Variants in ZNF354B observed in about 807,000 individuals in gnomAD.
The protein encoded by ZNF354B is zinc finger protein 354B.
In ZNF354B, 10 loss-of-function variants were observed where a neutral mutation model predicts 12.9. The ratio of observed to expected loss-of-function variants is 0.77; its 90% CI spans 0.48 to 1.31. ZNF354B has a LOEUF of 1.31. Ranked by LOEUF, ZNF354B falls within the 40% of genes most tolerant of loss-of-function variation. ZNF354B has a pLI of 0.00. For synonymous variants in ZNF354B, 260 were observed against 243.7 expected, an observed-to-expected ratio of 1.07 and a Z score of -0.62; for missense variants, 614 against 711.7, an observed-to-expected ratio of 0.86 and a Z score of 1.56.
Position 178,883,490 on chromosome 5 carries a change from A to T in ZNF354B, c.1038A>T (p.Lys346Asn). The T allele has an allele frequency of 6.2e-7, 1 of 1,614,150 alleles. No individual in the cohort carries two copies. The highest frequency in any genetic ancestry group is 8.5e-7 in the Non-Finnish European group (1 of 1,179,996). ...GCACTTCCCTTTCTGGAAGTCAGAA[A>T]ATTCATCTCAGAAAGAAGTCCTACT... Reference protein sequence around the residue: ...SYSTSLSGSQKIHLRKKSYLC... With the variant: ...SYSTSLSGSQNIHLRKKSYLC... Residue 346 changes from lysine (K) to asparagine (N), a missense_variant, in exon 5 of 5, where the codon AAA becomes AAT. By Grantham distance (94) the Lys-to-Asn change is moderately conservative. Transcript: ENST00000322434.
rs1207080976 is a variant in ZNF354B at position 178,860,143 on chromosome 5, G to C, written c.-52+16G>C. On this transcript the variant is annotated intron_variant, in intron 1 of 4. Coordinates refer to ENST00000322434, the MANE Select transcript of ZNF354B (RefSeq NM_058230.3). ...TCCTGGGGAGGTGAGCGGCATGGCT[G>C]GCTGTGCCGGGAGGAGGCGGCGCCT... 2 of 152,540 alleles carry C rather than the reference G, an allele frequency of 1.3e-5. No individual in the cohort carries two copies. Among genetic ancestry groups the C allele is most frequent in the Non-Finnish European group, 2.9e-5 (2 of 68,354 alleles). The allele number at this position is 152,540 out of a possible 1,614,324, so 9.4% of individuals were successfully genotyped here.
intron 4 of ZNF354B, among the ~76,000 whole-genome samples, chr5:178,880,715 G>A (rs1000248736): frequency 4.0e-5 from 6 of 151,148 alleles, no homozygotes; most frequent in Non-Finnish European, 8.8e-5. Flanking sequence ...GGCTGATCTC[G>A]AACTCCTAGG....
intron 4 of ZNF354B, among the ~76,000 whole-genome samples, chr5:178,869,238 C>T (rs1301763569): frequency 6.6e-6 from 1 of 152,176 alleles, no homozygotes; most frequent in Admixed American, 6.5e-5. Flanking sequence ...CCCCTTGTGC[C>T]ACGGGCCCAG....
At chr5:178,865,916 A>C (rs1477173394) in intron 2 of ZNF354B, among the ~76,000 whole-genome samples, 1 of 152,104 alleles carries the variant, frequency 6.6e-6, no homozygotes, top group South Asian at 2.1e-4. Context: ...TGTTTCTTAC[A>C]GTAATTGGTG....
rs1469707566 is a variant in ZNF354B at position 178,879,372 on chromosome 5, CAG to C, written c.257-3334_257-3333del. ...TGTGTGCTGATTTCTTTGCAGAAAC[CAG>C]AGTTGTTTTTGTTTTTGTTTTTTGA... On this transcript the variant is annotated intron_variant, in intron 4 of 4. Transcript: ENST00000322434. Among the ~76,000 whole-genome samples, 7 of 148,254 alleles carry C rather than the reference CAG, an allele frequency of 4.7e-5. No homozygotes were observed. In the East Asian group the frequency reaches 1.5e-3, roughly 31 times the overall value.
At chr5:178,874,580 T>C (rs1410916291) in intron 4 of ZNF354B, among the ~76,000 whole-genome samples, 1 of 152,244 alleles carries the variant, frequency 6.6e-6, no homozygotes, top group Non-Finnish European at 1.5e-5. Flanking sequence ...TTTTGAGCTC[T>C]ATTAGATCAG....
chr5:178,866,826 T>C, intron 3 of ZNF354B, 150 bp from the exon 4 acceptor site: 1 of 699,644 alleles, frequency 1.4e-6, no homozygotes, highest in Non-Finnish European at 2.4e-6. Context: ...TGATAGATCA[T>C]TCTATAGATG....
intron 4 of ZNF354B, among the ~76,000 whole-genome samples, chr5:178,872,306 G>A (rs551971432): frequency 5.3e-5 from 8 of 152,002 alleles, no homozygotes; most frequent in African/African-American, 1.9e-4. Context: ...CATCTGTGTA[G>A]TTGTATACAT....
chr5:178,873,680 G>A (rs1757595034), intron 4 of ZNF354B, among the ~76,000 whole-genome samples: 1 of 152,060 alleles, frequency 6.6e-6, no homozygotes, highest in Non-Finnish European at 1.5e-5. Context: ...ATATATACAG[G>A]CTTTAATGTT....
chr5:178,862,231 AC>A (rs2114004588), intron 2 of ZNF354B, among the ~76,000 whole-genome samples: 1 of 152,178 alleles, frequency 6.6e-6, no homozygotes, highest in Admixed American at 6.5e-5. Context: ...AAGTTAAGTA[AC>A]CTGAGTACAG....
Position 178,883,518 on chromosome 5 carries a change from T to G in ZNF354B, c.1066T>G (p.Cys356Gly), listed in dbSNP as rs193201570. Residue 356 changes from cysteine (C) to glycine (G), a missense_variant, in exon 5 of 5, where the codon TGT becomes GGT. By Grantham distance (159) the Cys-to-Gly change is radical. Coordinates refer to ENST00000322434, the MANE Select transcript of ZNF354B (RefSeq NM_058230.3). ...TCATCTCAGAAAGAAGTCCTACTTA[T>G]GTAATGAATGTGGCAACACCTTTAA... is the stretch of plus-strand genomic sequence containing the variant. ...KIHLRKKSYL[C>G]NECGNTFKSS... 2.5e-6 allele frequency: 4 copies of G among 1,614,050 alleles called. No individual in the cohort carries two copies. Among genetic ancestry groups the G allele is most frequent in the Non-Finnish European group, 3.4e-6 (4 of 1,180,014 alleles).
At chr5:178,881,768 C>T (rs536013110) in intron 4 of ZNF354B, among the ~76,000 whole-genome samples, 12 of 152,056 alleles carry the variant, frequency 7.9e-5, no homozygotes, top group Non-Finnish European at 1.3e-4. Context: ...CTCTGCCTCC[C>T]GAGTAGCTAG....
At chr5:178,869,076 A>G (rs983051677) in intron 4 of ZNF354B, among the ~76,000 whole-genome samples, 2 of 152,054 alleles carry the variant, frequency 1.3e-5, no homozygotes, top group African/African-American at 4.8e-5. Flanking sequence ...CTTGTCATAG[A>G]GTTTGGTTGG....
intron 4 of ZNF354B, among the ~76,000 whole-genome samples, chr5:178,877,144 C>T (rs1473902658): frequency 6.6e-6 from 1 of 151,892 alleles, no homozygotes; most frequent in African/African-American, 2.4e-5. Context: ...TTCTAAATTC[C>T]CCATGTGTGC....
intron 1 of ZNF354B, among the ~76,000 whole-genome samples, chr5:178,860,490 A>G (rs1426696535): frequency 2.0e-5 from 3 of 152,092 alleles, no homozygotes; most frequent in African/African-American, 7.2e-5. Context: ...CTGCCTCGGG[A>G]CACCCAGCGC....
intron 4 of ZNF354B, among the ~76,000 whole-genome samples, chr5:178,876,410 C>A (rs1033911503): frequency 3.9e-5 from 6 of 152,346 alleles, no homozygotes; most frequent in African/African-American, 1.4e-4. Context: ...GCAAAAATAG[C>A]AGCCTGCCTC....
intron 2 of ZNF354B, among the ~76,000 whole-genome samples, chr5:178,861,989 T>G (rs571265703): frequency 1.3e-5 from 2 of 152,286 alleles, no homozygotes; most frequent in African/African-American, 4.8e-5. Context: ...TGAGTGACAT[T>G]ATTGTCTTAA....
chr5:178,884,569 A>C lies in ZNF354B; in HGVS notation c.*278A>C. On this transcript the variant is annotated 3_prime_UTR_variant, in exon 5 of 5. Coordinates refer to ENST00000322434, the MANE Select transcript of ZNF354B (RefSeq NM_058230.3). Reference sequence around the variant, plus strand: ...AATATATGCTATCTATGACATGCAAAAAAGAAAAGTCTGGGTGCTGAGGTG... The same window carrying C: ...AATATATGCTATCTATGACATGCAACAAAGAAAAGTCTGGGTGCTGAGGTG... 1 of 260,458 alleles carries C rather than the reference A, an allele frequency of 3.8e-6. No homozygotes were observed. The highest frequency in any genetic ancestry group is 7.1e-6 in the Non-Finnish European group (1 of 140,064). The allele number at this position is 260,458 out of a possible 1,614,324, so 16.1% of individuals were successfully genotyped here. A position where few individuals can be genotyped will look rare whatever the true frequency, so the allele number is the denominator to read the frequency against.
At chr5:178,878,772 G>A (rs1346270636) in intron 4 of ZNF354B, among the ~76,000 whole-genome samples, 2 of 151,884 alleles carry the variant, frequency 1.3e-5, no homozygotes, top group Admixed American at 1.3e-4. Context: ...GCACAATCTC[G>A]GCTCACTGCA....
Sources: allele counts gnomAD v4.1 joint callset (sites outside exome capture counted in the v4.1 genomes callset), GRCh38; gene constraint gnomAD v4.1.1; transcripts MANE v1.5; gene names NCBI Gene and HGNC (gene_info 2026-07-23, HGNC 2026-07-21).